Variants in ALG1 observed in about 807,000 individuals in gnomAD.
The protein encoded by ALG1 is chitobiosyldiphosphodolichol beta-mannosyltransferase.
Under a neutral mutation model 55.1 loss-of-function variants are expected in ALG1, and 58 were observed. The observed-to-expected ratio is 1.05, with a 90% CI of 0.85 to 1.31. The LOEUF (loss-of-function observed/expected upper bound fraction) is 1.31. Among genes scored for constraint, ALG1 ranks in the 50% most tolerant of loss-of-function variants. ALG1 has a pLI of 0.00. For missense variants in ALG1, 761 were observed against 598.6 expected, an observed-to-expected ratio of 1.27 and a Z score of -2.83; for synonymous variants, 309 against 247.0, an observed-to-expected ratio of 1.25 and a Z score of -2.35.
In ALG1 at chr16:5,085,572, A is replaced by C; in HGVS notation, c.*691A>C. 2 of 1,226,216 alleles carry C rather than the reference A, an allele frequency of 1.6e-6. No homozygotes were observed. Among genetic ancestry groups the C allele is most frequent in the Admixed American group, 1.7e-5 (1 of 59,412 alleles). 76.0% of individuals were successfully genotyped at this position (1,226,216 alleles called of 1,614,324 possible). The stretch of plus-strand genomic sequence containing the variant: ...AAAGTTTTATCCGCTTTCCCATATA[A>C]AAATTCTTCCCATGAGAGTGACTTG... On this transcript the variant is annotated 3_prime_UTR_variant, in exon 13 of 13. Transcript: ENST00000262374.
rs1567175578 is a variant in ALG1 at position 5,086,648 on chromosome 16, C to G, written c.*1767C>G. 2.0e-5 allele frequency: 3 copies of G among 151,894 alleles called. No homozygotes were observed. Among genetic ancestry groups the G allele is most frequent in the African/African-American group, 4.8e-5 (2 of 41,356 alleles). 9.4% of individuals were successfully genotyped at this position (151,894 alleles called of 1,614,324 possible). The stretch of plus-strand genomic sequence containing the variant: ...AGATGGGGTCCTGAACGCATGGCCT[C>G]AAGTGATGCTCCTGCCTCAGCCTCT... On this transcript the variant is annotated 3_prime_UTR_variant, in exon 13 of 13. Transcript: ENST00000262374.
intron 12 of ALG1, among the ~76,000 whole-genome samples, chr16:5,084,038 GGAA>G (rs1957066585): frequency 1.3e-5 from 2 of 152,208 alleles, no homozygotes; most frequent in South Asian, 4.1e-4. Flanking sequence ...CTGCGGTTGA[GGAA>G]GTGATCAGGA....
intron 7 of ALG1, 41 bp downstream of exon 7, chr16:5,078,919 G>A (rs1345461760): frequency 1.2e-6 from 2 of 1,607,646 alleles, no homozygotes; most frequent in Admixed American, 3.4e-5. Flanking sequence ...GGTGTGACGG[G>A]CACCTGGCCA....
In ALG1 at chr16:5,084,835, A is replaced by G. The variant is rs1277289881; in HGVS notation, c.1349A>G (p.Asp450Gly). 5 of 1,596,306 alleles carry G rather than the reference A, an allele frequency of 3.1e-6. No homozygotes were observed. The highest frequency in any genetic ancestry group is 3.4e-6 in the Non-Finnish European group (4 of 1,179,774). ...NLRESQQLRW[D>G]ESWVQTVLPL... ...CGGGAGTCGCAGCAGCTCCGATGGGATGAGAGCTGGGTGCAGACTGTGCTC... is the reference window on the plus strand; with the variant it reads ...CGGGAGTCGCAGCAGCTCCGATGGGGTGAGAGCTGGGTGCAGACTGTGCTC... Residue 450 changes from aspartate to glycine, a missense_variant, in exon 13 of 13, where the codon GAT becomes GGT. Asp to Gly is a moderately conservative substitution (Grantham distance 94, BLOSUM62 -1). Coordinates refer to ENST00000262374, the MANE Select transcript of ALG1 (RefSeq NM_019109.5).
chr16:5,081,535 T>G (rs981123518), intron 10 of ALG1, among the ~76,000 whole-genome samples: 1 of 152,244 alleles, frequency 6.6e-6, no homozygotes, highest in Non-Finnish European at 1.5e-5. Context: ...AGCAGAGCAG[T>G]TGGAGGCTGA....
chr16:5,072,201 C>T, intron 1 of ALG1, 144 bp downstream of exon 1: 3 of 1,536,286 alleles, frequency 2.0e-6, no homozygotes, highest in Admixed American at 3.9e-5. Flanking sequence ...GGTTCTGCCC[C>T]AGCCTTTCCT....
At chr16:5,073,458 A>G in intron 3 of ALG1, 2 of 619,112 alleles carry the variant, frequency 3.2e-6, no homozygotes, top group Non-Finnish European at 5.7e-6. Context: ...CTTACATTGT[A>G]CTGACTGTGT....
At position 5,084,830 on chromosome 16, in the gene ALG1, A is replaced by T. The variant is rs1397097240; in HGVS notation, c.1344A>T (p.Arg448=). 1.9e-6 allele frequency: 3 copies of T among 1,596,318 alleles called. No individual in the cohort carries two copies. Among genetic ancestry groups the T allele is most frequent in the South Asian group, 2.2e-5 (2 of 90,996 alleles). The change falls in exon 13 of 13, where the codon CGA becomes CGT. Residue 448 remains arginine, a synonymous_variant. Transcript: ENST00000262374. The stretch of plus-strand genomic sequence containing the variant: ...ACCTGCGGGAGTCGCAGCAGCTCCG[A>T]TGGGATGAGAGCTGGGTGCAGACTG... ...RKNLRESQQL[R]WDESWVQTVL...
At position 5,073,003 on chromosome 16, in the gene ALG1, G is replaced by T; in HGVS notation, c.261G>T (p.Gly87=). The change falls in exon 2 of 13, where the codon GGG becomes GGT. Residue 87 remains glycine, a synonymous_variant. Coordinates refer to ENST00000262374, the MANE Select transcript of ALG1 (RefSeq NM_019109.5). ...LLQNNRIQIV[G]LTELQSLAVG... is the part of the protein sequence containing the mutation. Reference sequence around the variant, plus strand: ...AGAACAACAGAATTCAGATTGTGGGGTTGACAGAACTTCAGAGTCTTGCAG... The same window carrying T: ...AGAACAACAGAATTCAGATTGTGGGTTTGACAGAACTTCAGAGTCTTGCAG... 1 of 1,614,222 alleles carries T rather than the reference G, an allele frequency of 6.2e-7. No individual in the cohort carries two copies. Among genetic ancestry groups the T allele is most frequent in the Non-Finnish European group, 8.5e-7 (1 of 1,180,038 alleles).
At position 5,079,783 on chromosome 16, in the gene ALG1, C is replaced by T; in HGVS notation, c.937C>T (p.Pro313Ser). 6.2e-7 allele frequency: 1 copy of T among 1,611,846 alleles called. No individual in the cohort carries two copies. Among genetic ancestry groups the T allele is most frequent in the Non-Finnish European group, 8.5e-7 (1 of 1,179,790 alleles). ...ACTGACTCTTGATGGACACAACCTTCCTTCTCTCGTCTGTGTGATAACAGG... is the reference window on the plus strand; with the variant it reads ...ACTGACTCTTGATGGACACAACCTTTCTTCTCTCGTCTGTGTGATAACAGG... ...EQLTLDGHNL[P>S]SLVCVITGKG... The change falls in exon 9 of 13, where the codon CCT becomes TCT. Residue 313 changes from proline (P) to serine (S), a missense_variant. Transcript: ENST00000262374.
chr16:5,082,922 A>T (rs921431715), intron 11 of ALG1, among the ~76,000 whole-genome samples: 1 of 152,226 alleles, frequency 6.6e-6, no homozygotes, highest in Non-Finnish European at 1.5e-5. Flanking sequence ...GCCATTAAAA[A>T]TGGCAACTAC....
In ALG1 at chr16:5,086,334, CAAA is replaced by C. The variant is rs374671583; in HGVS notation, c.*1469_*1471del. ...TGAGTGACAGGGTGAGACTAAGTCT[CAAA>C]AAAAAAAAAAAAAAACCACACGCAC... On this transcript the variant is annotated 3_prime_UTR_variant, in exon 13 of 13. Coordinates refer to ENST00000262374, the MANE Select transcript of ALG1 (RefSeq NM_019109.5). 0.016 allele frequency among the ~76,000 whole-genome samples: 1,990 copies of C among 128,200 alleles called. 28 individuals are homozygous for C. Among genetic ancestry groups the C allele is most frequent in the African/African-American group, 0.02 (690 of 34,514 alleles). The allele number at this position is 128,200 out of a possible 152,430, so 84.1% of individuals were successfully genotyped here.
intron 5 of ALG1, 40 bp downstream of exon 5, chr16:5,077,574 G>T: frequency 1.3e-6 from 2 of 1,597,068 alleles, no homozygotes; most frequent in Non-Finnish European, 8.6e-7. Flanking sequence ...GGAGAGGCGC[G>T]GGGCCCCTGA....
chr16:5,079,389 T>C (rs1034501836), intron 8 of ALG1, among the ~76,000 whole-genome samples: 1 of 152,138 alleles, frequency 6.6e-6, no homozygotes, highest in Admixed American at 6.5e-5. Flanking sequence ...GGCTATTGTT[T>C]ATTTAAAAAT....
rs1300934938 is a variant in ALG1 at position 5,085,657 on chromosome 16, ATC to A, written c.*779_*780del. On this transcript the variant is annotated 3_prime_UTR_variant, in exon 13 of 13. Transcript: ENST00000262374. ...CTACAGGGTGAGATTCAGCATTGCCATCTCCAAGTGCTCTTCGTAGGGAAACA... is the reference window on the plus strand; with the variant it reads ...CTACAGGGTGAGATTCAGCATTGCCATCCAAGTGCTCTTCGTAGGGAAACA... 1.2e-6 allele frequency: 2 copies of A among 1,611,320 alleles called. No individual in the cohort carries two copies. The highest frequency in any genetic ancestry group is 1.7e-6 in the Non-Finnish European group (2 of 1,179,370).
At chr16:5,072,871 T>C in intron 1 of ALG1, 80 bp from the exon 2 acceptor site, 17 of 1,293,242 alleles carry the variant, frequency 1.3e-5, no homozygotes, top group Non-Finnish European at 1.9e-5. Context: ...ACACTGTCCG[T>C]GATTCAGCCT....
chr16:5,073,257 G>T lies in ALG1; in HGVS notation c.390+1G>T. 1.2e-6 allele frequency: 2 copies of T among 1,613,516 alleles called. No homozygotes were observed. Among genetic ancestry groups the T allele is most frequent in the Non-Finnish European group, 1.7e-6 (2 of 1,179,564 alleles). Reference sequence around the variant, plus strand: ...GCCAGGTGCCTATATCTTTCTCCAGGTGTGTATCAGCCTCTGCCTCCCTCT... The same window carrying T: ...GCCAGGTGCCTATATCTTTCTCCAGTTGTGTATCAGCCTCTGCCTCCCTCT... On this transcript the variant is annotated splice_donor_variant, in intron 3 of 12. Transcript: ENST00000262374. LOFTEE classifies it high-confidence loss of function.
Position 5,084,969 on chromosome 16 carries a change from G to A in ALG1, c.*88G>A. On this transcript the variant is annotated 3_prime_UTR_variant, in exon 13 of 13. Coordinates refer to ENST00000262374, the MANE Select transcript of ALG1 (RefSeq NM_019109.5). ...GTCTCAGGGCAAACCCTTTCGAGCA[G>A]CACCTCCCAGTGGCCAGAAGCTGAA... The A allele has an allele frequency of 6.3e-7, 1 of 1,590,782 alleles. No homozygotes were observed. The highest frequency in any genetic ancestry group is 8.5e-7 in the Non-Finnish European group (1 of 1,174,752).
At chr16:5,072,879 C>G in intron 1 of ALG1, 72 bp from the exon 2 acceptor site, 2 of 1,358,450 alleles carry the variant, frequency 1.5e-6, no homozygotes, top group African/African-American at 1.4e-5. Context: ...CGTGATTCAG[C>G]CTGAGTTGGG....
Sources: allele counts gnomAD v4.1 joint callset (sites outside exome capture counted in the v4.1 genomes callset), GRCh38; gene constraint gnomAD v4.1.1; transcripts MANE v1.5; gene names NCBI Gene and HGNC (gene_info 2026-07-23, HGNC 2026-07-21).